HMG20A: variants seen among roughly 807,000 people sequenced by gnomAD.
The protein encoded by HMG20A is high mobility group protein 20A.
Under a neutral mutation model 43.9 loss-of-function variants are expected in HMG20A, and 17 were observed. The ratio of observed to expected loss-of-function variants is 0.39; its 90% CI spans 0.27 to 0.58. The LOEUF (loss-of-function observed/expected upper bound fraction) is 0.58, where lower values mean the gene tolerates loss of function less well. Among genes scored for constraint, HMG20A ranks in the 20% least tolerant of loss-of-function variants. The pLI, the probability that HMG20A is intolerant of heterozygous loss-of-function variation, is 0.59. For missense variants in HMG20A, 341 were observed against 438.2 expected, an observed-to-expected ratio of 0.78 and a Z score of 1.98; for synonymous variants, 132 against 147.5, an observed-to-expected ratio of 0.89 and a Z score of 0.76.
At position 77,471,775 on chromosome 15, in the gene HMG20A, AT is replaced by A. The variant is rs1397482512; in HGVS notation, c.584-3del. On this transcript the variant is annotated splice_polypyrimidine_tract_variant and splice_region_variant and intron_variant, in intron 5 of 9. Transcript: ENST00000336216. ...ATGTAATGTTCTCTTATTCTTTTAT[AT>A]TTTTAGATGCAGCCCGGCAGGCCAC... The A allele has an allele frequency of 6.4e-7, 1 of 1,569,784 alleles. No homozygotes were observed. Among genetic ancestry groups the A allele is most frequent in the Non-Finnish European group, 8.7e-7 (1 of 1,144,942 alleles).
At chr15:77,489,242 G>A (rs1204344776), downstream of HMG20A, among the ~76,000 whole-genome samples, 3 of 152,158 alleles carry the variant, frequency 2.0e-5, no homozygotes, top group Non-Finnish European at 2.9e-5. Flanking sequence ...TGCTTTTTAT[G>A]TAAATTATGT....
chr15:77,474,106 A>C (rs2072834038), intron 6 of HMG20A, among the ~76,000 whole-genome samples: 1 of 152,206 alleles, frequency 6.6e-6, no homozygotes, highest in Non-Finnish European at 1.5e-5. Context: ...GAAAAATAGC[A>C]CTATGGGTGA....
downstream of HMG20A, among the ~76,000 whole-genome samples, chr15:77,488,055 G>C (rs2072954866): frequency 6.6e-6 from 1 of 152,208 alleles, no homozygotes. Flanking sequence ...AAAAGGAGGA[G>C]CCACAAGAAG....
At chr15:77,458,717 G>A (rs938055173) in intron 2 of HMG20A, among the ~76,000 whole-genome samples, 2 of 152,104 alleles carry the variant, frequency 1.3e-5, no homozygotes, top group African/African-American at 4.8e-5. Context: ...AACAATATGT[G>A]GAATCTAGCA....
chr15:77,422,568 A>G (rs894120371), intron 1 of HMG20A, among the ~76,000 whole-genome samples: 2 of 152,224 alleles, frequency 1.3e-5, no homozygotes. Context: ...GTGAGCCAAG[A>G]TCGCTCCACT....
intron 6 of HMG20A, among the ~76,000 whole-genome samples, chr15:77,476,348 G>A (rs2072855023): frequency 6.6e-6 from 1 of 152,088 alleles, no homozygotes; most frequent in Non-Finnish European, 1.5e-5. Flanking sequence ...AGCCAGGCAT[G>A]GTGGTGGGCA....
chr15:77,479,354 G>A, intron 9 of HMG20A, 33 bp downstream of exon 9: 2 of 1,596,624 alleles, frequency 1.3e-6, no homozygotes. Flanking sequence ...TTATATGCCA[G>A]CACATCATCA....
At chr15:77,421,070 C>T (rs1406508254) in intron 1 of HMG20A, 66 bp downstream of exon 1, 5 of 397,174 alleles carry the variant, frequency 1.3e-5, no homozygotes, top group Non-Finnish European at 2.2e-5. Flanking sequence ...TGAAGATCAC[C>T]CCTCTTTTGG....
chr15:77,436,860 A>G (rs2073554914), intron 1 of HMG20A, among the ~76,000 whole-genome samples: 2 of 152,070 alleles, frequency 1.3e-5, no homozygotes, highest in East Asian at 1.9e-4. Flanking sequence ...TTCTCCTTAA[A>G]ATTCCTCAGA....
intron 1 of HMG20A, among the ~76,000 whole-genome samples, chr15:77,445,853 C>T (rs1021067258): frequency 5.3e-5 from 8 of 152,194 alleles, no homozygotes; most frequent in African/African-American, 1.9e-4. Context: ...CATGGGATTT[C>T]ATCACACTAC....
chr15:77,450,913 C>T (rs557959060), intron 1 of HMG20A, among the ~76,000 whole-genome samples: 108 of 152,204 alleles, frequency 7.1e-4, no homozygotes, highest in African/African-American at 2.4e-3. Context: ...AGTGGTAGCT[C>T]ACTATTGTAT....
chr15:77,477,250 A>C (rs1255101917), intron 6 of HMG20A, among the ~76,000 whole-genome samples: 1 of 152,236 alleles, frequency 6.6e-6, no homozygotes, highest in African/African-American at 2.4e-5. Flanking sequence ...ACTGTTGACT[A>C]TTCAAAACAC....
the HMG20A span, among the ~76,000 whole-genome samples, chr15:77,510,191 C>T: frequency 4.4e-3 from 670 of 152,272 alleles, 6 homozygotes; most frequent in African/African-American, 0.015. Flanking sequence ...CTTCCAAACA[C>T]TCACTGGAAG....
chr15:77,503,110 T>C, the HMG20A span, among the ~76,000 whole-genome samples: 2 of 152,344 alleles, frequency 1.3e-5, no homozygotes, highest in Admixed American at 1.3e-4. Context: ...TTAAGGAAGA[T>C]GCAACTTCTA....
chr15:77,440,363 G>A (rs1274879792), intron 1 of HMG20A, among the ~76,000 whole-genome samples: 2 of 152,182 alleles, frequency 1.3e-5, no homozygotes, highest in African/African-American at 4.8e-5. Flanking sequence ...TAAATGGATA[G>A]AAATGTACTG....
the HMG20A span, among the ~76,000 whole-genome samples, chr15:77,492,401 G>A: frequency 1.1e-3 from 166 of 152,168 alleles, 1 homozygote; most frequent in Non-Finnish European, 1.2e-3. Context: ...TCAATTAGAG[G>A]TTTGTGAAAA....
the HMG20A span, among the ~76,000 whole-genome samples, chr15:77,501,715 C>T: frequency 6.6e-6 from 1 of 152,210 alleles, no homozygotes; most frequent in African/African-American, 2.4e-5. Context: ...AATTGACTCC[C>T]AGGTGTACCC....
In HMG20A at chr15:77,483,854, G is replaced by A. The variant is rs2072925437; in HGVS notation, c.*891G>A. 6.6e-6 allele frequency: 1 copy of A among 152,544 alleles called. No homozygotes were observed. The highest frequency in any genetic ancestry group is 1.5e-5 in the Non-Finnish European group (1 of 68,034). 9.4% of individuals were successfully genotyped at this position (152,544 alleles called of 1,614,324 possible). ...AAAGGGAAAGAGTACAAAGCCCTAA[G>A]TTTATTGTAAGTGAAAACTGAGGGA... is the stretch of plus-strand genomic sequence containing the variant. On this transcript the variant is annotated 3_prime_UTR_variant, in exon 10 of 10. Transcript: ENST00000336216.
intron 5 of HMG20A, 52 bp from the exon 6 acceptor site, chr15:77,471,731 G>C: frequency 8.1e-7 from 1 of 1,231,512 alleles, no homozygotes; most frequent in Non-Finnish European, 1.2e-6. Flanking sequence ...CTTGGGTTTT[G>C]TTATTGCTTT....
Sources: allele counts gnomAD v4.1 joint callset (sites outside exome capture counted in the v4.1 genomes callset), GRCh38; gene constraint gnomAD v4.1.1; transcripts MANE v1.5; gene names NCBI Gene and HGNC (gene_info 2026-07-23, HGNC 2026-07-21).